The following STRN3 variants were observed in gnomAD, a reference collection of about 807,000 sequenced individuals.
The protein encoded by STRN3 is striatin-3.
STRN3 carries 29 observed loss-of-function variants against 95.6 expected under a neutral mutation model. That is an observed-to-expected ratio of 0.30 (90% CI 0.23 to 0.41). The LOEUF (loss-of-function observed/expected upper bound fraction) is 0.41. STRN3 is among the 10% of genes least tolerant of loss of function. STRN3 has a pLI of 1.00. For missense variants in STRN3, 890 were observed against 972.1 expected, an observed-to-expected ratio of 0.92 and a Z score of 1.12; for synonymous variants, 331 against 357.6, an observed-to-expected ratio of 0.93 and a Z score of 0.84.
intron 15 of STRN3, among the ~76,000 whole-genome samples, chr14:30,903,715 A>G (rs886402004): frequency 3.3e-5 from 5 of 152,206 alleles, no homozygotes; most frequent in African/African-American, 1.2e-4. Flanking sequence ...TGTTTTTCTA[A>G]AAGAAATTAA....
chr14:30,983,960 T>C (rs768486196), intron 1 of STRN3, among the ~76,000 whole-genome samples: 2 of 152,096 alleles, frequency 1.3e-5, no homozygotes, highest in Non-Finnish European at 2.9e-5. Context: ...ATTAAGTTTC[T>C]GCAAAATACA....
chr14:31,000,883 A>G (rs1882419086), intron 1 of STRN3, among the ~76,000 whole-genome samples: 2 of 152,184 alleles, frequency 1.3e-5, no homozygotes, highest in Non-Finnish European at 2.9e-5. Context: ...TTACAAGGAC[A>G]GAAATGTTTC....
chr14:30,930,544 T>C (rs1408548168), intron 7 of STRN3, among the ~76,000 whole-genome samples: 1 of 152,140 alleles, frequency 6.6e-6, no homozygotes, highest in East Asian at 1.9e-4. Flanking sequence ...TGATCACAGG[T>C]GGTCGGTCAG....
At chr14:30,995,323 C>T (rs538241543) in intron 1 of STRN3, among the ~76,000 whole-genome samples, 10 of 149,402 alleles carry the variant, frequency 6.7e-5, no homozygotes, top group African/African-American at 2.2e-4. Flanking sequence ...ATAAAGGCCA[C>T]AAAAGAAAAA....
intron 7 of STRN3, 75 bp from the exon 8 acceptor site, chr14:30,929,386 G>A (rs747478677): frequency 2.8e-6 from 3 of 1,089,440 alleles, no homozygotes; most frequent in African/African-American, 1.6e-5. Context: ...AACTGTTATA[G>A]CTTTACATAA....
chr14:30,926,725 T>C (rs566490087), intron 8 of STRN3, among the ~76,000 whole-genome samples: 1 of 152,062 alleles, frequency 6.6e-6, no homozygotes, highest in Non-Finnish European at 1.5e-5. Context: ...AAAACAGATA[T>C]GAAATCAAAA....
In STRN3 at chr14:30,946,793, C is replaced by T. The variant is rs539926315; in HGVS notation, c.716+297G>A. Reference sequence around the variant, plus strand: ...AGGAGTTCGCAACCAGCCTGGCCAACGTGGTGAAACCCCGTGTCTACTAAA... The same window carrying T: ...AGGAGTTCGCAACCAGCCTGGCCAATGTGGTGAAACCCCGTGTCTACTAAA... On this transcript the variant is annotated intron_variant, in intron 5 of 17. Transcript: ENST00000357479. Among the ~76,000 whole-genome samples, 249 of 152,144 alleles carry T rather than the reference C, an allele frequency of 1.6e-3. 1 individual carries two copies. The highest frequency in any genetic ancestry group is 5.7e-3 in the African/African-American group (236 of 41,496).
At chr14:31,001,750 C>T (rs985234198) in intron 1 of STRN3, among the ~76,000 whole-genome samples, 11 of 152,160 alleles carry the variant, frequency 7.2e-5, no homozygotes, top group East Asian at 3.9e-4. Context: ...CATTAACAGA[C>T]GAATGGATCT....
chr14:30,942,318 T>C (rs1242981371), intron 5 of STRN3, among the ~76,000 whole-genome samples: 2 of 152,220 alleles, frequency 1.3e-5, no homozygotes, highest in Non-Finnish European at 1.5e-5. Flanking sequence ...TAACCTACCA[T>C]ATTTAAAATG....
intron 7 of STRN3, among the ~76,000 whole-genome samples, chr14:30,931,491 T>C (rs937950119): frequency 6.6e-6 from 1 of 152,196 alleles, no homozygotes; most frequent in Non-Finnish European, 1.5e-5. Flanking sequence ...CCAAAGCAGA[T>C]GAATTATACA....
At chr14:30,904,625 A>G (rs1476720970) in intron 15 of STRN3, among the ~76,000 whole-genome samples, 1 of 152,168 alleles carries the variant, frequency 6.6e-6, no homozygotes, top group East Asian at 1.9e-4. Flanking sequence ...ATAAATGGAG[A>G]GGGAATGATA....
intron 1 of STRN3, among the ~76,000 whole-genome samples, chr14:31,021,645 AG>A (rs1291062987): frequency 4.9e-4 from 74 of 152,360 alleles, no homozygotes; most frequent in African/African-American, 1.7e-3. Flanking sequence ...TATGAAGAAA[AG>A]TGATAAGTGG....
At chr14:30,935,661 C>T (rs1275521211) in intron 6 of STRN3, among the ~76,000 whole-genome samples, 1 of 152,152 alleles carries the variant, frequency 6.6e-6, no homozygotes, top group Non-Finnish European at 1.5e-5. Context: ...CTGCATGATT[C>T]GTCCTTCACT....
At chr14:30,948,313 A>G (rs1879468098) in intron 4 of STRN3, among the ~76,000 whole-genome samples, 1 of 152,218 alleles carries the variant, frequency 6.6e-6, no homozygotes, top group Non-Finnish European at 1.5e-5. Context: ...ACAAATCAAA[A>G]GCTCAGAAGA....
At chr14:30,985,302 C>T (rs1881628195) in intron 1 of STRN3, among the ~76,000 whole-genome samples, 1 of 59,460 alleles carries the variant, frequency 1.7e-5, no homozygotes, top group African/African-American at 5.2e-5. Flanking sequence ...GAGTAAAACT[C>T]CGCCAAAAAA....
At chr14:31,022,595 G>A (rs994710967) in intron 1 of STRN3, among the ~76,000 whole-genome samples, 8 of 151,316 alleles carry the variant, frequency 5.3e-5, no homozygotes, top group African/African-American at 1.9e-4. Context: ...TTATTGAAAT[G>A]TACTCAAGTG....
chr14:31,025,382 A>G, intron 1 of STRN3: 1 of 165,822 alleles, frequency 6.0e-6, no homozygotes, highest in Non-Finnish European at 1.3e-5. Flanking sequence ...CAGCCCAGGA[A>G]AGAAGCGTGG....
At chr14:30,930,134 T>C (rs899790708) in intron 7 of STRN3, among the ~76,000 whole-genome samples, 8 of 152,038 alleles carry the variant, frequency 5.3e-5, no homozygotes, top group African/African-American at 4.8e-5. Flanking sequence ...AACTAAATAC[T>C]TGTGACTGAG....
chr14:30,897,466 T>C (rs1158473322), intron 16 of STRN3, among the ~76,000 whole-genome samples: 1 of 152,064 alleles, frequency 6.6e-6, no homozygotes, highest in Non-Finnish European at 1.5e-5. Flanking sequence ...GCACCTGTAA[T>C]CCCAGCTACT....
Sources: allele counts gnomAD v4.1 joint callset (sites outside exome capture counted in the v4.1 genomes callset), GRCh38; gene constraint gnomAD v4.1.1; transcripts MANE v1.5; gene names NCBI Gene and HGNC (gene_info 2026-07-23, HGNC 2026-07-21).